The following SLC35F3 variants were observed in gnomAD, a reference collection of about 807,000 sequenced individuals.
SLC35F3 encodes the protein solute carrier family 35 member F3.
SLC35F3 carries 25 observed loss-of-function variants against 49.9 expected under a neutral mutation model. That is an observed-to-expected ratio of 0.50 (90% CI 0.37 to 0.70). The LOEUF is 0.70. SLC35F3 is among the 30% of genes least tolerant of loss of function. The pLI, the probability that SLC35F3 is intolerant of heterozygous loss-of-function variation, is 0.00. For missense variants in SLC35F3, 525 were observed against 639.8 expected (o/e 0.82, Z 1.94); for synonymous variants, 275 against 265.4 (o/e 1.04, Z -0.35).
chr1:234,067,338 A>G (rs954149325), intron 2 of SLC35F3, among the ~76,000 whole-genome samples: 8 of 152,220 alleles, frequency 5.3e-5, no homozygotes, highest in African/African-American at 1.4e-4. Context: ...CTAACTTACT[A>G]TATTAGGATA....
intron 2 of SLC35F3, among the ~76,000 whole-genome samples, chr1:233,992,376 C>T (rs560644348): frequency 3.1e-4 from 47 of 152,266 alleles, no homozygotes; most frequent in Middle Eastern, 3.4e-3. Flanking sequence ...AGTTCAAGAG[C>T]GTGGCCCTGA....
chr1:234,004,150 G>A (rs1221078200), intron 2 of SLC35F3, among the ~76,000 whole-genome samples: 5 of 152,114 alleles, frequency 3.3e-5, no homozygotes, highest in Non-Finnish European at 5.9e-5. Context: ...CGACAAATGG[G>A]AATGTTCTCT....
intron 2 of SLC35F3, among the ~76,000 whole-genome samples, chr1:234,146,937 T>G (rs1222401545): frequency 3.3e-5 from 5 of 152,220 alleles, no homozygotes; most frequent in Non-Finnish European, 1.5e-5. Context: ...GATGAGAGGT[T>G]TGCTTCAGAT....
chr1:234,152,598 A>G (rs572551350), intron 2 of SLC35F3, among the ~76,000 whole-genome samples: 15 of 152,288 alleles, frequency 9.8e-5, no homozygotes, highest in African/African-American at 3.6e-4. Flanking sequence ...TGGTGTATAT[A>G]TGCCACATTT....
intron 2 of SLC35F3, among the ~76,000 whole-genome samples, chr1:234,146,990 A>C (rs550112031): frequency 4.6e-5 from 7 of 152,294 alleles, no homozygotes; most frequent in African/African-American, 1.7e-4. Flanking sequence ...AGGTTCAAAG[A>C]TATTGGAAAA....
chr1:234,056,141 C>T (rs1457992298), intron 2 of SLC35F3, among the ~76,000 whole-genome samples: 1 of 151,918 alleles, frequency 6.6e-6, no homozygotes, highest in Non-Finnish European at 1.5e-5. Context: ...TTATATTTTG[C>T]TCAAGATTCT....
At position 234,320,020 on chromosome 1, in the gene SLC35F3, TG is replaced by T; in HGVS notation, c.1148-75del. 1.0e-6 allele frequency: 1 copy of T among 977,276 alleles called. No individual in the cohort carries two copies. Among genetic ancestry groups the T allele is most frequent in the Non-Finnish European group, 1.7e-6 (1 of 605,700 alleles). 60.5% of individuals were successfully genotyped at this position (977,276 alleles called of 1,614,324 possible). A position where few individuals can be genotyped will look rare whatever the true frequency, so the allele number is the denominator to read the frequency against. On this transcript the variant is annotated intron_variant, in intron 6 of 7. Coordinates refer to ENST00000366618, the MANE Select transcript of SLC35F3 (RefSeq NM_173508.4). The surrounding 1 kb of genome is among the most constrained non-coding windows in gnomAD (Gnocchi z 4.8). ...TGACTCCAGCCTCATCAGGAAAACC[TG>T]GGTCAGATAGGCCAGCAGGGAGGTA...
intron 3 of SLC35F3, among the ~76,000 whole-genome samples, chr1:234,240,615 AT>A (rs1314005166): frequency 3.9e-5 from 6 of 152,124 alleles, no homozygotes; most frequent in African/African-American, 1.4e-4. Flanking sequence ...AAAAAAAAAA[AT>A]AAAAAAGCCA....
chr1:234,269,009 C>T (rs1668056141), intron 3 of SLC35F3, among the ~76,000 whole-genome samples: 2 of 152,016 alleles, frequency 1.3e-5, no homozygotes, highest in South Asian at 4.2e-4. Flanking sequence ...GGAATATAAG[C>T]CCATGATAAT....
chr1:233,935,681 C>T (rs1436444722), intron 2 of SLC35F3, among the ~76,000 whole-genome samples: 1 of 152,206 alleles, frequency 6.6e-6, no homozygotes, highest in Non-Finnish European at 1.5e-5. Context: ...CTTTCTGTCT[C>T]TTGCCCTGCC....
chr1:234,203,595 G>A (rs1572093378), intron 2 of SLC35F3, among the ~76,000 whole-genome samples: 2 of 151,998 alleles, frequency 1.3e-5, no homozygotes, highest in African/African-American at 4.8e-5. Context: ...CCTGTAATCC[G>A]AGCTTCTCAG....
chr1:234,108,970 G>A (rs1460070104), intron 2 of SLC35F3, among the ~76,000 whole-genome samples: 2 of 151,828 alleles, frequency 1.3e-5, no homozygotes, highest in African/African-American at 2.4e-5. Context: ...TGGCCTCAGA[G>A]TGTCTCCTGC....
At chr1:234,142,394 G>T (rs1665929657) in intron 2 of SLC35F3, among the ~76,000 whole-genome samples, 1 of 152,178 alleles carries the variant, frequency 6.6e-6, no homozygotes, top group African/African-American at 2.4e-5. Context: ...CATGCCCACG[G>T]CCCTGAGCAG....
At chr1:234,300,554 T>C (rs997321326) in intron 3 of SLC35F3, among the ~76,000 whole-genome samples, 2 of 152,240 alleles carry the variant, frequency 1.3e-5, no homozygotes, top group South Asian at 2.1e-4. Flanking sequence ...GAGTGTATGT[T>C]CTAGTGAAGA....
chr1:234,150,537 A>G (rs1030822949), intron 2 of SLC35F3, among the ~76,000 whole-genome samples: 14 of 152,130 alleles, frequency 9.2e-5, no homozygotes, highest in African/African-American at 3.4e-4. Flanking sequence ...TTTACTTTTC[A>G]TCCCTTATCT....
intron 3 of SLC35F3, among the ~76,000 whole-genome samples, chr1:234,278,372 C>A (rs569504892): frequency 1.3e-5 from 2 of 152,146 alleles, no homozygotes; most frequent in East Asian, 1.9e-4. Context: ...GGCCTGTAGT[C>A]CCAGCTACTC....
intron 2 of SLC35F3, among the ~76,000 whole-genome samples, chr1:234,006,037 C>T (rs146306804): frequency 1.6e-4 from 24 of 152,300 alleles, no homozygotes; most frequent in Middle Eastern, 3.4e-3. Flanking sequence ...ATTGGTACTT[C>T]ACTACCTCGA....
intron 2 of SLC35F3, among the ~76,000 whole-genome samples, chr1:234,160,383 C>T (rs1441506275): frequency 2.0e-4 from 31 of 152,168 alleles, no homozygotes; most frequent in Admixed American, 2.0e-3. Flanking sequence ...AAGGCTGTTC[C>T]AGTCTTTTGC....
rs180926680 is a variant in SLC35F3 at position 234,276,355 on chromosome 1, G to C, written c.609-32746G>C. Among the ~76,000 whole-genome samples, 4 of 152,264 alleles carry C rather than the reference G, an allele frequency of 2.6e-5. No individual in the cohort carries two copies. The East Asian group carries it at 7.7e-4, about 29-fold the overall frequency. ...GTGAGACTCATTCACCAGAATCTGT[G>C]CATGTTCAGAACAGAGAGACTTAGA... is the stretch of plus-strand genomic sequence containing the variant. On this transcript the variant is annotated intron_variant, in intron 3 of 7. Coordinates refer to ENST00000366618, the MANE Select transcript of SLC35F3 (RefSeq NM_173508.4).
Sources: gnomAD v4.1 joint callset for allele counts (sites outside exome capture counted in the v4.1 genomes callset) on GRCh38, gnomAD v4.1.1 for gene constraint, Gnocchi (gnomAD v3.1) non-coding constraint, MANE v1.5 for transcripts, NCBI Gene and HGNC (gene_info 2026-07-23, HGNC 2026-07-21) for gene names.